Variants in GNA14 observed in about 807,000 individuals in gnomAD.
The protein encoded by GNA14 is G protein subunit alpha 14, also known as guanine nucleotide-binding protein subunit alpha-14.
Under a neutral mutation model 42.0 loss-of-function variants are expected in GNA14, and 50 were observed. The observed-to-expected ratio is 1.19, with a 90% CI of 0.95 to 1.51. GNA14 has a LOEUF of 1.51. GNA14 is among the 40% of genes most tolerant of loss of function. The pLI, the probability that GNA14 is intolerant of heterozygous loss-of-function variation, is 0.00. For synonymous variants in GNA14, 173 were observed against 163.1 expected, an observed-to-expected ratio of 1.06 and a Z score of -0.46; for missense variants, 473 against 446.2, an observed-to-expected ratio of 1.06 and a Z score of -0.54.
At chr9:77,624,226 C>G (rs1012320350) in intron 1 of GNA14, among the ~76,000 whole-genome samples, 1 of 152,328 alleles carries the variant, frequency 6.6e-6, no homozygotes, top group Admixed American at 6.5e-5. Context: ...CTAGATTCCT[C>G]CTCTCTGGAC....
intron 5 of GNA14, among the ~76,000 whole-genome samples, 173 bp downstream of exon 5, chr9:77,428,734 T>C (rs1342655956): frequency 6.6e-6 from 1 of 152,222 alleles, no homozygotes. Flanking sequence ...TAAGACTGCA[T>C]TTCTAACAAG....
rs138318024 is a variant in GNA14 at position 77,580,805 on chromosome 9, G to C, written c.125-51552C>G. On this transcript the variant is annotated intron_variant, in intron 1 of 6. Coordinates refer to ENST00000341700, the MANE Select transcript of GNA14 (RefSeq NM_004297.4). ...ATGATGTTTGGATGCTAGACTAGTTGCACCTGATGAGAGAAGTCTGTATTG... is the reference window on the plus strand; with the variant it reads ...ATGATGTTTGGATGCTAGACTAGTTCCACCTGATGAGAGAAGTCTGTATTG... Among the ~76,000 whole-genome samples the C allele has an allele frequency of 4.3e-3, 657 of 152,276 alleles. 2 individuals carry two copies. Among genetic ancestry groups the C allele is most frequent in the African/African-American group, 0.015 (620 of 41,544 alleles).
intron 1 of GNA14, among the ~76,000 whole-genome samples, chr9:77,623,242 A>AAT (rs1564069141): frequency 1.1e-4 from 15 of 131,174 alleles, no homozygotes; most frequent in Admixed American, 5.0e-4. Context: ...AAAAAAAAAA[A>AAT]AAAAAAAAAA....
intron 1 of GNA14, among the ~76,000 whole-genome samples, chr9:77,644,091 A>T (rs922890127): frequency 6.6e-6 from 1 of 152,172 alleles, no homozygotes; most frequent in Non-Finnish European, 1.5e-5. Flanking sequence ...ATGTAACTGT[A>T]TTTGAAGATA....
chr9:77,643,871 A>G (rs1824308748), intron 1 of GNA14, among the ~76,000 whole-genome samples: 1 of 152,176 alleles, frequency 6.6e-6, no homozygotes, highest in African/African-American at 2.4e-5. Flanking sequence ...TACTCAAAAA[A>G]CAGAGTGATG....
At chr9:77,600,073 G>T (rs1457751869) in intron 1 of GNA14, among the ~76,000 whole-genome samples, 1 of 132,854 alleles carries the variant, frequency 7.5e-6, no homozygotes. Flanking sequence ...ATTGATTTTT[G>T]TTTGTCAACT....
chr9:77,475,084 G>A (rs1836395490), intron 2 of GNA14, among the ~76,000 whole-genome samples: 2 of 150,686 alleles, frequency 1.3e-5, no homozygotes, highest in South Asian at 4.2e-4. Context: ...CAAGTTGGCT[G>A]GCAGCTGTTT....
At chr9:77,484,183 A>G (rs181871394) in intron 2 of GNA14, among the ~76,000 whole-genome samples, 1 of 152,348 alleles carries the variant, frequency 6.6e-6, no homozygotes, top group Admixed American at 6.5e-5. Flanking sequence ...CAGTCAATTA[A>G]AAGAACAATC....
At chr9:77,581,002 G>GCA (rs3052394) in intron 1 of GNA14, among the ~76,000 whole-genome samples, 8,718 of 144,304 alleles carry the variant, frequency 0.06, 352 homozygotes, top group African/African-American at 0.12. Flanking sequence ...TACAATAAAG[G>GCA]CACACACACA....
chr9:77,450,350 G>A (rs1835883981), intron 2 of GNA14, among the ~76,000 whole-genome samples: 1 of 152,080 alleles, frequency 6.6e-6, no homozygotes, highest in Non-Finnish European at 1.5e-5. Context: ...TCTTAATAAA[G>A]GGCAGAGACC....
chr9:77,475,665 A>C (rs895052660), intron 2 of GNA14, among the ~76,000 whole-genome samples: 5 of 152,128 alleles, frequency 3.3e-5, no homozygotes, highest in African/African-American at 1.2e-4. Context: ...CGTTCTTTCT[A>C]GAGCATCCTC....
intron 1 of GNA14, among the ~76,000 whole-genome samples, chr9:77,607,046 C>T (rs1434128355): frequency 6.6e-6 from 1 of 152,140 alleles, no homozygotes; most frequent in Non-Finnish European, 1.5e-5. Flanking sequence ...GCCTCTGAAA[C>T]TATGAGAAAT....
chr9:77,547,476 G>A (rs951625663), intron 1 of GNA14, among the ~76,000 whole-genome samples: 7 of 152,138 alleles, frequency 4.6e-5, no homozygotes, highest in Admixed American at 2.0e-4. Flanking sequence ...TCGTAATAAC[G>A]AAAGTTATGC....
At chr9:77,518,959 G>A (rs1195020987) in intron 2 of GNA14, among the ~76,000 whole-genome samples, 1 of 152,126 alleles carries the variant, frequency 6.6e-6, no homozygotes, top group Non-Finnish European at 1.5e-5. Context: ...ACCTGACAGG[G>A]TTTTGGTGTC....
intron 5 of GNA14, 58 bp from the exon 6 acceptor site, chr9:77,425,773 A>G (rs1835445376): frequency 3.2e-6 from 4 of 1,231,928 alleles, no homozygotes; most frequent in South Asian, 1.4e-5. Flanking sequence ...TGGAAACAAC[A>G]TGGCGCATTG....
intron 2 of GNA14, among the ~76,000 whole-genome samples, chr9:77,463,677 ATAATT>A (rs1312034642): frequency 9.2e-5 from 14 of 152,198 alleles, no homozygotes; most frequent in African/African-American, 3.4e-4. Context: ...TGCCTCAAAA[ATAATT>A]ATTTGGCTTC....
intron 1 of GNA14, among the ~76,000 whole-genome samples, chr9:77,549,743 A>G (rs140750245): frequency 0.011 from 1,610 of 152,244 alleles, 29 homozygotes; most frequent in African/African-American, 0.036. Context: ...AAGAGCCCCA[A>G]CTTTGGAGGA....
intron 1 of GNA14, among the ~76,000 whole-genome samples, chr9:77,574,735 T>A (rs898806567): frequency 6.6e-6 from 1 of 152,186 alleles, no homozygotes; most frequent in Admixed American, 6.5e-5. Flanking sequence ...TTCTTGCTTA[T>A]TTGCACTCAG....
intron 1 of GNA14, among the ~76,000 whole-genome samples, chr9:77,543,940 A>G (rs1837690727): frequency 6.6e-6 from 1 of 152,010 alleles, no homozygotes; most frequent in Admixed American, 6.6e-5. Flanking sequence ...GCTAATTTTT[A>G]CTCTAATTTG....
Sources: allele counts gnomAD v4.1 joint callset (sites outside exome capture counted in the v4.1 genomes callset), GRCh38; gene constraint gnomAD v4.1.1; transcripts MANE v1.5; gene names NCBI Gene and HGNC (gene_info 2026-07-23, HGNC 2026-07-21).